The following GABRR1 variants were observed in gnomAD, a reference collection of about 807,000 sequenced individuals.
GABRR1 encodes gamma-aminobutyric acid type A receptor subunit rho1.
GABRR1 carries 59 observed loss-of-function variants against 55.5 expected under a neutral mutation model. That is an observed-to-expected ratio of 1.06 (90% CI 0.86 to 1.32). The LOEUF (loss-of-function observed/expected upper bound fraction) is 1.32. Among genes scored for constraint, GABRR1 ranks in the 40% most tolerant of loss-of-function variants. GABRR1 has a pLI of 0.00. For missense variants in GABRR1, 602 were observed against 619.1 expected, an observed-to-expected ratio of 0.97 and a Z score of 0.29; for synonymous variants, 213 against 226.0, an observed-to-expected ratio of 0.94 and a Z score of 0.51.
intron 1 of GABRR1, chr6:89,204,670 C>A (rs1047333067): frequency 1.6e-6 from 2 of 1,288,178 alleles, no homozygotes; most frequent in East Asian, 1.1e-4. Context: ...GATGCCACTG[C>A]CTTTGCCTTC....
intron 7 of GABRR1, among the ~76,000 whole-genome samples, chr6:89,183,417 T>C (rs1270288635): frequency 3.9e-5 from 6 of 152,204 alleles, no homozygotes; most frequent in African/African-American, 1.4e-4. Context: ...TGTAGTGCTA[T>C]GTTGGTGCTC....
intron 8 of GABRR1, among the ~76,000 whole-genome samples, chr6:89,181,619 A>G (rs1428002249): frequency 6.6e-6 from 1 of 152,152 alleles, no homozygotes; most frequent in East Asian, 1.9e-4. Flanking sequence ...TTTGCAGGTG[A>G]GCAAAGAAGG....
At chr6:89,205,970 T>C (rs11759894) in intron 1 of GABRR1, among the ~76,000 whole-genome samples, 36,030 of 147,102 alleles carry the variant, frequency 0.24, 4,466 homozygotes, top group South Asian at 0.32. Flanking sequence ...AGACATGTAC[T>C]GCTCATAGGG....
In GABRR1 at chr6:89,190,557, T is replaced by C. The variant is rs377166827; in HGVS notation, c.573-310A>G. 9.2e-5 allele frequency among the ~76,000 whole-genome samples: 14 copies of C among 152,360 alleles called. 1 individual carries two copies. Among genetic ancestry groups the C allele is most frequent in the Admixed American group, 3.9e-4 (6 of 15,310 alleles). The stretch of plus-strand genomic sequence containing the variant: ...TAATAATGTGAAATAAAAACTTACA[T>C]GATATGGTTTCTTAAAAGAAGCTCT... On this transcript the variant is annotated intron_variant, in intron 5 of 9. Coordinates refer to ENST00000454853, the MANE Select transcript of GABRR1 (RefSeq NM_002042.5).
intron 6 of GABRR1, 133 bp from the exon 7 acceptor site, chr6:89,185,583 C>T: frequency 4.0e-6 from 3 of 759,168 alleles, no homozygotes; most frequent in Non-Finnish European, 6.6e-6. Flanking sequence ...GAAAAACAAA[C>T]CACAGTCTAA....
At chr6:89,230,460 T>G (rs1166844144) in intron 1 of GABRR1, among the ~76,000 whole-genome samples, 1 of 150,190 alleles carries the variant, frequency 6.7e-6, no homozygotes, top group East Asian at 2.0e-4. Context: ...GTCCTTTCTG[T>G]TTGTTAGTTT....
intron 3 of GABRR1, among the ~76,000 whole-genome samples, chr6:89,200,553 T>G (rs1288312284): frequency 6.6e-6 from 1 of 151,092 alleles, no homozygotes; most frequent in Non-Finnish European, 1.5e-5. Flanking sequence ...TGAGCCACCA[T>G]GCCCGGCCGA....
At chr6:89,219,912 C>T (rs1278443305), upstream of GABRR1, among the ~76,000 whole-genome samples, 1 of 152,266 alleles carries the variant, frequency 6.6e-6, no homozygotes, top group South Asian at 2.1e-4. Flanking sequence ...ATAAATCATC[C>T]TTTAACGTGC....
At position 89,178,876 on chromosome 6, in the gene GABRR1, T is replaced by C; in HGVS notation, c.1334A>G (p.Tyr445Cys). Residue 445 changes from tyrosine to cysteine, a missense_variant, in exon 10 of 10, where the codon TAT becomes TGT. Coordinates refer to ENST00000454853, the MANE Select transcript of GABRR1 (RefSeq NM_002042.5). ...GTGGGTGTCGATTCTCATGCTCACA[T>C]AGCTGCTTCTCTGACTTTTCCTCTG... is the stretch of plus-strand genomic sequence containing the variant. ...SPQRKSQRSS[Y>C]VSMRIDTHAI... The C allele has an allele frequency of 1.2e-5, 19 of 1,614,180 alleles. No homozygotes were observed. The highest frequency in any genetic ancestry group is 1.6e-5 in the Non-Finnish European group (19 of 1,180,014).
chr6:89,204,041 T>C (rs372036376), intron 1 of GABRR1, among the ~76,000 whole-genome samples: 2 of 152,228 alleles, frequency 1.3e-5, no homozygotes, highest in African/African-American at 4.8e-5. Flanking sequence ...AATCACAGTA[T>C]CTTCAATAAG....
rs552274865 is a variant in GABRR1, at chr6:89,205,796, A to G, written c.123-2311T>C. ...ACAAGGAAGCAGAAACCGGCTAATG[A>G]AAATGATCATGCTTTCTCGGCATTT... is the stretch of plus-strand genomic sequence containing the variant. On this transcript the variant is annotated intron_variant, in intron 1 of 9. Transcript: ENST00000454853. The G allele has an allele frequency of 3.3e-5, 5 of 152,308 alleles. No individual in the cohort carries two copies. The South Asian group carries it at 1.0e-3, about 32-fold the overall frequency. 9.4% of individuals were successfully genotyped at this position (152,308 alleles called of 1,614,324 possible).
At position 89,177,912 on chromosome 6, in the gene GABRR1, T is replaced by C. The variant is rs911248494; in HGVS notation, c.*858A>G. The C allele has an allele frequency of 6.6e-6, 1 of 152,178 alleles. No individual in the cohort carries two copies. The highest frequency in any genetic ancestry group is 2.4e-5 in the African/African-American group (1 of 41,446). The allele number at this position is 152,178 out of a possible 1,614,324, so 9.4% of individuals were successfully genotyped here. On this transcript the variant is annotated 3_prime_UTR_variant, in exon 10 of 10. Coordinates refer to ENST00000454853, the MANE Select transcript of GABRR1 (RefSeq NM_002042.5). ...CCTTGAAGTGTTTATGCAGAAGAAA[T>C]CATTCTCTACCCAAGTTCCTCAGTG...
chr6:89,196,075 G>A (rs1237706840), intron 5 of GABRR1, among the ~76,000 whole-genome samples: 1 of 152,194 alleles, frequency 6.6e-6, no homozygotes, highest in African/African-American at 2.4e-5. Flanking sequence ...TTATGTCTTT[G>A]ATGAATGAGT....
rs564604656 is a variant in GABRR1, at chr6:89,207,671, T to C, written c.123-4186A>G. Among the ~76,000 whole-genome samples, 19 of 152,244 alleles carry C rather than the reference T, an allele frequency of 1.2e-4. No homozygotes were observed. The East Asian group carries it at 3.3e-3, about 26-fold the overall frequency. ...CACACAACCATCTAATGCTCAGCCC[T>C]GATTACACATTGGAATCACCCGAGG... On this transcript the variant is annotated intron_variant, in intron 1 of 9. Transcript: ENST00000454853.
Position 89,190,236 on chromosome 6 carries a change from G to A in GABRR1, c.584C>T (p.Thr195Ile). The A allele has an allele frequency of 1.9e-6, 3 of 1,606,978 alleles. No individual in the cohort carries two copies. Among genetic ancestry groups the A allele is most frequent in the South Asian group, 1.1e-5 (1 of 89,684 alleles). Residue 195 changes from threonine to isoleucine, a missense_variant, in exon 6 of 10, where the codon ACT becomes ATT. By Grantham distance (89) the Thr-to-Ile change is moderately conservative. Around this residue, in one of 3 missense-constraint regions of GABRR1, gnomAD observed 435 missense variants for 424.2 expected, o/e 1.03. Coordinates refer to ENST00000454853, the MANE Select transcript of GABRR1 (RefSeq NM_002042.5). ...KVLYSLRVTV[T>I]AMCNMDFSRF... Reference sequence around the variant, plus strand: ...GCTGAAGTCCATGTTGCACATTGCAGTTACTGTAACCCTAGGGCCAAAAAG... The same window carrying A: ...GCTGAAGTCCATGTTGCACATTGCAATTACTGTAACCCTAGGGCCAAAAAG...
At chr6:89,223,181 T>G (rs764498203) in intron 1 of GABRR1, among the ~76,000 whole-genome samples, 25 of 152,288 alleles carry the variant, frequency 1.6e-4, no homozygotes, top group Non-Finnish European at 3.2e-4. Context: ...CATTTTGTAG[T>G]CTTTTTATCC....
At position 89,180,317 on chromosome 6, in the gene GABRR1, C is replaced by G. The variant is rs531168663; in HGVS notation, c.1121G>C (p.Arg374Thr). 1.9e-6 allele frequency: 3 copies of G among 1,613,606 alleles called. No individual in the cohort carries two copies. The highest frequency in any genetic ancestry group is 2.2e-5 in the East Asian group (1 of 44,874). The change falls in exon 9 of 10, where the codon AGG (arginine) becomes ACG (threonine). Residue 374 changes from arginine to threonine, a missense_variant. This residue lies in a region of GABRR1 where 139 missense variants were observed against 141.1 expected (regional missense o/e 0.99). Transcript: ENST00000454853. Reference protein sequence around the residue: ...AVNYLTTVQERKEQKLREKLP... With the variant: ...AVNYLTTVQETKEQKLREKLP... ...CTTCTCCCGCAGCTTCTGTTCCTTCCTCTCCTGCACAGTGGTCAGGTAGTT... is the reference window on the plus strand; with the variant it reads ...CTTCTCCCGCAGCTTCTGTTCCTTCGTCTCCTGCACAGTGGTCAGGTAGTT...
At chr6:89,224,987 C>G (rs543982606) in intron 1 of GABRR1, among the ~76,000 whole-genome samples, 15 of 152,024 alleles carry the variant, frequency 9.9e-5, no homozygotes, top group Admixed American at 2.0e-4. Flanking sequence ...TTCACCATGT[C>G]GGCCAGGCTA....
chr6:89,199,210 C>T, intron 4 of GABRR1, 152 bp downstream of exon 4: 1 of 716,822 alleles, frequency 1.4e-6, no homozygotes, highest in Non-Finnish European at 2.5e-6. Context: ...TGGCTTTGGG[C>T]AAATCTTCCT....
Sources: gnomAD v4.1 joint callset for allele counts (sites outside exome capture counted in the v4.1 genomes callset) on GRCh38, gnomAD v4.1.1 for gene constraint, gnomAD v4.1.1 regional missense constraint, MANE v1.5 for transcripts, NCBI Gene and HGNC (gene_info 2026-07-23, HGNC 2026-07-21) for gene names.